The following COL5A2 variants were observed in gnomAD, a reference collection of about 807,000 sequenced individuals.
COL5A2 encodes the protein collagen alpha-2(V) chain.
COL5A2 carries 23 observed loss-of-function variants against 208.2 expected under a neutral mutation model. The observed-to-expected ratio is 0.11, with a 90% CI of 0.08 to 0.16. The LOEUF (loss-of-function observed/expected upper bound fraction) is 0.16. COL5A2 is among the 10% of genes least tolerant of loss of function. The pLI is 1.00. For synonymous variants in COL5A2, 625 were observed against 628.5 expected (o/e 0.99, Z 0.08); for missense variants, 1,590 against 1,956.4 (o/e 0.81, Z 3.53).
At chr2:189,312,385 TGGAGCG>T in the COL5A2 span, among the ~76,000 whole-genome samples, 1 of 152,012 alleles carries the variant, frequency 6.6e-6, no homozygotes, top group Non-Finnish European at 1.5e-5. Flanking sequence ...CAGAAGCTGG[TGGAGCG>T]GGACATGGAG....
intron 6 of COL5A2, chr2:189,096,084 T>C (rs1279549564): frequency 1.3e-5 from 2 of 152,144 alleles, no homozygotes; most frequent in African/African-American, 2.4e-5. Flanking sequence ...GATAATGTAG[T>C]AACAAGAATG....
intron 1 of COL5A2, among the ~76,000 whole-genome samples, chr2:189,179,063 A>C (rs1688735358): frequency 6.6e-6 from 1 of 152,234 alleles, no homozygotes; most frequent in Non-Finnish European, 1.5e-5. Context: ...CAGAGGTTTT[A>C]CTAAACAAAG....
chr2:189,434,895 C>A, the COL5A2 span, among the ~76,000 whole-genome samples: 1 of 152,148 alleles, frequency 6.6e-6, no homozygotes, highest in Admixed American at 6.5e-5. Flanking sequence ...AAGAACAAAG[C>A]TGGGGGCATC....
chr2:189,159,520 T>G (rs551139390), intron 1 of COL5A2, among the ~76,000 whole-genome samples: 1 of 152,320 alleles, frequency 6.6e-6, no homozygotes, highest in South Asian at 2.1e-4. Flanking sequence ...AAGCATTATA[T>G]TTTTCTCAAA....
chr2:189,187,928 C>T (rs949062157), intron 1 of COL5A2, among the ~76,000 whole-genome samples: 4 of 149,976 alleles, frequency 2.7e-5, no homozygotes, highest in African/African-American at 9.8e-5. Context: ...AAGATCGCGC[C>T]ACTGCACTCC....
At chr2:189,038,281 A>AT (rs2153506345) in intron 51 of COL5A2, among the ~76,000 whole-genome samples, 1 of 152,214 alleles carries the variant, frequency 6.6e-6, no homozygotes, top group Admixed American at 6.5e-5. Flanking sequence ...AACATATGAT[A>AT]TTTGGTTTTC....
At chr2:189,364,770 A>G in the COL5A2 span, among the ~76,000 whole-genome samples, 1 of 152,254 alleles carries the variant, frequency 6.6e-6, no homozygotes, top group Non-Finnish European at 1.5e-5. Flanking sequence ...TGCATTCTGC[A>G]AAATACTTGA....
chr2:189,232,510 C>G, the COL5A2 span, among the ~76,000 whole-genome samples: 7 of 151,480 alleles, frequency 4.6e-5, 1 homozygote, highest in Non-Finnish European at 1.0e-4. Context: ...AGGCAATGAG[C>G]TGGTTGAGGC....
chr2:189,126,800 T>G (rs1687615583), intron 1 of COL5A2, among the ~76,000 whole-genome samples: 1 of 152,044 alleles, frequency 6.6e-6, no homozygotes, highest in Admixed American at 6.6e-5. Context: ...CAAAGAAATA[T>G]CCACAGAAAT....
chr2:189,254,217 T>C, the COL5A2 span, among the ~76,000 whole-genome samples: 1 of 152,222 alleles, frequency 6.6e-6, no homozygotes, highest in Non-Finnish European at 1.5e-5. Context: ...ACTCAAATTT[T>C]CTCAATTTAA....
At chr2:189,301,026 A>T in the COL5A2 span, among the ~76,000 whole-genome samples, 1 of 152,104 alleles carries the variant, frequency 6.6e-6, no homozygotes, top group South Asian at 2.1e-4. Flanking sequence ...GTCTCTACAA[A>T]AAATACAAAA....
the COL5A2 span, among the ~76,000 whole-genome samples, chr2:189,381,518 C>T: frequency 0.044 from 6,616 of 151,798 alleles, 178 homozygotes; most frequent in African/African-American, 0.064. Context: ...AAGGAAGATA[C>T]TTTGTTCTCT....
intron 1 of COL5A2, among the ~76,000 whole-genome samples, chr2:189,215,122 T>C (rs4667271): frequency 0.77 from 117,525 of 152,046 alleles, 48,061 homozygotes; most frequent in Non-Finnish European, 0.91. Context: ...CTGTTGAGTA[T>C]TTCAAGCTAC....
the COL5A2 span, among the ~76,000 whole-genome samples, chr2:189,376,658 T>C: frequency 4.2e-4 from 64 of 152,350 alleles, no homozygotes; most frequent in African/African-American, 1.5e-3. Context: ...TGTACAATTT[T>C]GAATTTATAT....
upstream of COL5A2, among the ~76,000 whole-genome samples, chr2:189,181,427 C>G (rs1688777577): frequency 6.6e-6 from 1 of 152,184 alleles, no homozygotes; most frequent in African/African-American, 2.4e-5. Context: ...TTAATTCTTT[C>G]TAGAATATCT....
intron 1 of COL5A2, among the ~76,000 whole-genome samples, chr2:189,170,821 A>G (rs1287314130): frequency 6.6e-6 from 1 of 152,098 alleles, no homozygotes; most frequent in African/African-American, 2.4e-5. Context: ...GGCAGCTTGG[A>G]ATAAATTGTT....
chr2:189,147,392 C>T (rs911433692), intron 1 of COL5A2, among the ~76,000 whole-genome samples: 4 of 152,072 alleles, frequency 2.6e-5, no homozygotes, highest in African/African-American at 7.2e-5. Context: ...CAGAATTCAG[C>T]GAAGACCCTG....
intron 3 of COL5A2, among the ~76,000 whole-genome samples, chr2:189,101,693 T>C (rs1687049079): frequency 6.6e-6 from 1 of 152,056 alleles, no homozygotes; most frequent in African/African-American, 2.4e-5. Flanking sequence ...ATGATGGACT[T>C]AAGGGCGGAA....
At chr2:189,098,607 T>TTTAAGAGACC in intron 5 of COL5A2, 120 bp downstream of exon 5, 1 of 831,128 alleles carries the variant, frequency 1.2e-6, no homozygotes, top group Non-Finnish European at 2.0e-6. Flanking sequence ...GACAAAATGT[T>TTTAAGAGACC]TTAAGAGACC....
Sources: gnomAD v4.1 joint callset for allele counts (sites outside exome capture counted in the v4.1 genomes callset) on GRCh38, gnomAD v4.1.1 for gene constraint, MANE v1.5 for transcripts, NCBI Gene and HGNC (gene_info 2026-07-23, HGNC 2026-07-21) for gene names.